YBEY: variants seen among roughly 807,000 people sequenced by gnomAD.
YBEY encodes endoribonuclease YbeY.
In YBEY, 15 loss-of-function variants were observed where a neutral mutation model predicts 13.5. The ratio of observed to expected loss-of-function variants is 1.11; its 90% CI spans 0.75 to 1.72. The LOEUF is 1.72. YBEY is among the 40% of genes most tolerant of loss of function. The probability of loss-of-function intolerance (pLI) is 0.00; values close to 1 mark genes in which losing one functional copy is unlikely to be tolerated. For missense variants in YBEY, 244 were observed against 208.4 expected, an observed-to-expected ratio of 1.17 and a Z score of -1.05; for synonymous variants, 101 against 83.1, an observed-to-expected ratio of 1.21 and a Z score of -1.17.
downstream of YBEY, chr21:46,300,583 G>A: frequency 1.8e-6 from 2 of 1,094,312 alleles, no homozygotes; most frequent in Non-Finnish European, 2.3e-6. Flanking sequence ...ATGGTTCTGA[G>A]AGAAGTGAGT....
chr21:46,291,506 T>C (rs754763440), intron 3 of YBEY, 44 bp downstream of exon 3: 1 of 1,608,148 alleles, frequency 6.2e-7, no homozygotes, highest in Non-Finnish European at 8.5e-7. Flanking sequence ...TCATGGAACA[T>C]GGGCCTTGCA....
intron 4 of YBEY, among the ~76,000 whole-genome samples, chr21:46,296,802 C>A (rs1415272395): frequency 6.6e-6 from 1 of 151,310 alleles, no homozygotes; most frequent in Non-Finnish European, 1.5e-5. Flanking sequence ...CGCGACCAGC[C>A]TGGCCAACAT....
intron 2 of YBEY, among the ~76,000 whole-genome samples, chr21:46,287,762 G>A (rs1452713623): frequency 6.6e-6 from 1 of 152,008 alleles, no homozygotes; most frequent in Non-Finnish European, 1.5e-5. Context: ...AGCCCGAGGC[G>A]GGTGGTTCAC....
the YBEY span, among the ~76,000 whole-genome samples, chr21:46,311,165 G>A: frequency 4.6e-5 from 7 of 151,952 alleles, no homozygotes; most frequent in African/African-American, 1.4e-4. Context: ...CCACCGAGCC[G>A]GGCCCTAAAA....
chr21:46,288,683 GA>G lies in YBEY; in HGVS notation c.210+1573del, dbSNP rs11420581. Among the ~76,000 whole-genome samples, 467 of 131,530 alleles carry G rather than the reference GA, an allele frequency of 3.6e-3. 4 individuals are homozygous for G. The highest frequency in any genetic ancestry group is 2.8e-3 in the Admixed American group (38 of 13,498). The allele number at this position is 131,530 out of a possible 152,430, so 86.3% of individuals were successfully genotyped here. A position where few individuals can be genotyped will look rare whatever the true frequency, so the allele number is the denominator to read the frequency against. The stretch of plus-strand genomic sequence containing the variant: ...ACAGAGCGAGACTCCGTCTCAAAAA[GA>G]AAAAAAAAAAAAGAAGAAAAGAAAA... On this transcript the variant is annotated intron_variant, in intron 2 of 4. Coordinates refer to ENST00000397701, the MANE Select transcript of YBEY (RefSeq NM_001314025.2).
chr21:46,307,436 GCACACACACACC>G, the YBEY span, among the ~76,000 whole-genome samples: 6 of 151,752 alleles, frequency 4.0e-5, no homozygotes, highest in African/African-American at 1.5e-4. Context: ...ACAAGCATAG[GCACACACACACC>G]CACACACACA....
the YBEY span, among the ~76,000 whole-genome samples, chr21:46,303,260 G>A: frequency 6.6e-6 from 1 of 152,084 alleles, no homozygotes; most frequent in Non-Finnish European, 1.5e-5. Flanking sequence ...GATCACTTGA[G>A]CCCAGGAGTT....
downstream of YBEY, chr21:46,301,770 C>A (rs1027218725): frequency 8.1e-7 from 1 of 1,230,544 alleles, no homozygotes; most frequent in Admixed American, 4.2e-5. Context: ...GTTCACAGGC[C>A]CCTCACTGCA....
chr21:46,287,956 G>A (rs186514945), intron 2 of YBEY, among the ~76,000 whole-genome samples: 2 of 151,462 alleles, frequency 1.3e-5, no homozygotes, highest in East Asian at 3.9e-4. Flanking sequence ...AGGTTGCAGT[G>A]AGCTGAGATC....
downstream of YBEY, chr21:46,302,600 C>T (rs746570206): frequency 6.9e-6 from 11 of 1,584,420 alleles, no homozygotes; most frequent in Non-Finnish European, 9.5e-6. Flanking sequence ...GCAGGGGGAC[C>T]CTGAATAAAG....
the YBEY span, among the ~76,000 whole-genome samples, chr21:46,308,655 T>C: frequency 6.6e-6 from 1 of 151,846 alleles, no homozygotes; most frequent in Non-Finnish European, 1.5e-5. Flanking sequence ...TGTGGCAGTA[T>C]TGAGAGGTGG....
the YBEY span, among the ~76,000 whole-genome samples, chr21:46,304,828 CAGTAGAT>C: frequency 1.3e-5 from 2 of 152,194 alleles, no homozygotes; most frequent in African/African-American, 4.8e-5. Flanking sequence ...AAGTGTACAT[CAGTAGAT>C]AGATAAATGG....
intron 4 of YBEY, among the ~76,000 whole-genome samples, chr21:46,297,228 G>A (rs939780617): frequency 6.6e-6 from 1 of 152,122 alleles, no homozygotes; most frequent in Non-Finnish European, 1.5e-5. Context: ...GAACCCGGGA[G>A]GTGGAGGTTG....
the YBEY span, chr21:46,311,510 G>A: frequency 3.7e-6 from 6 of 1,612,732 alleles, no homozygotes; most frequent in South Asian, 6.6e-5. Context: ...GGAGGAATCT[G>A]TGCTATGAGT....
At chr21:46,296,113 A>C (rs781766240) in intron 3 of YBEY, 49 bp from the exon 4 acceptor site, 2 of 1,609,650 alleles carry the variant, frequency 1.2e-6, no homozygotes, top group East Asian at 4.5e-5. Flanking sequence ...CTGAAGGGGC[A>C]GGTTCCTGTG....
intron 3 of YBEY, among the ~76,000 whole-genome samples, chr21:46,294,933 C>A (rs966852905): frequency 3.7e-4 from 57 of 152,290 alleles, no homozygotes; most frequent in Non-Finnish European, 2.8e-4. Context: ...AAGGATGGGA[C>A]GGCCACACAG....
chr21:46,305,189 C>T, the YBEY span, among the ~76,000 whole-genome samples: 7 of 151,948 alleles, frequency 4.6e-5, no homozygotes, highest in South Asian at 2.1e-4. Context: ...CGTAGTCCGA[C>T]GGGTGGAGTC....
At chr21:46,292,836 C>G (rs879928791) in intron 3 of YBEY, among the ~76,000 whole-genome samples, 119 of 117,024 alleles carry the variant, frequency 1.0e-3, no homozygotes, top group African/African-American at 1.7e-3. Context: ...GCCCGGGACT[C>G]AGTGGAGTCA....
intron 3 of YBEY, 54 bp from the exon 4 acceptor site, chr21:46,296,108 G>A: frequency 5.0e-6 from 8 of 1,606,358 alleles, no homozygotes; most frequent in Admixed American, 1.7e-5. Flanking sequence ...TGGCCCTGAA[G>A]GGGCAGGTTC....
Sources: allele counts gnomAD v4.1 joint callset (sites outside exome capture counted in the v4.1 genomes callset), GRCh38; gene constraint gnomAD v4.1.1; transcripts MANE v1.5; gene names NCBI Gene and HGNC (gene_info 2026-07-23, HGNC 2026-07-21).